NCAPD2: variants seen among roughly 807,000 people sequenced by gnomAD.
The protein encoded by NCAPD2 is non-SMC condensin I complex subunit D2, also known as condensin complex subunit 1.
Under a neutral mutation model 164.5 loss-of-function variants are expected in NCAPD2, and 100 were observed. That is an observed-to-expected ratio of 0.61 (90% CI 0.52 to 0.72). The LOEUF is 0.72. Among genes scored for constraint, NCAPD2 ranks in the 30% least tolerant of loss-of-function variants. The probability of loss-of-function intolerance (pLI) is 0.00; values close to 1 mark genes in which losing one functional copy is unlikely to be tolerated. For synonymous variants in NCAPD2, 585 were observed against 642.6 expected (o/e 0.91, Z 1.36); for missense variants, 1,560 against 1,749.2 (o/e 0.89, Z 1.93).
intron 13 of NCAPD2, among the ~76,000 whole-genome samples, chr12:6,518,511 T>TTTTTTTG (rs1946229696): frequency 3.0e-5 from 3 of 99,856 alleles, no homozygotes; most frequent in African/African-American, 1.4e-4. Context: ...CAAGTTTTTT[T>TTTTTTTG]TTTTTTTTTT....
chr12:6,505,189 C>T (rs148549435), intron 2 of NCAPD2, among the ~76,000 whole-genome samples: 143 of 152,288 alleles, frequency 9.4e-4, no homozygotes, highest in African/African-American at 3.2e-3. Context: ...GCCTAAGCCT[C>T]CCAAGTAGCT....
chr12:6,522,251 T>C (rs1332713276), intron 15 of NCAPD2, among the ~76,000 whole-genome samples: 1 of 152,016 alleles, frequency 6.6e-6, no homozygotes, highest in African/African-American at 2.4e-5. Context: ...TTGGAGTTCT[T>C]TTCCATATTT....
At position 6,531,714 on chromosome 12, in the gene NCAPD2, AGAATCGCCT is replaced by A; in HGVS notation, c.*306_*314del. On this transcript the variant is annotated 3_prime_UTR_variant, in exon 32 of 32. Coordinates refer to ENST00000315579, the MANE Select transcript of NCAPD2 (RefSeq NM_014865.4). The surrounding 1 kb of genome is among the most constrained non-coding windows in gnomAD (Gnocchi z 4.1). ...CAGCTACTCAAGAGGCTGAGGCAGG[AGAATCGCCT>A]GAACCCAGAGGCGGAGGTTGTAGTG... is the stretch of plus-strand genomic sequence containing the variant. 1 of 382,798 alleles carries A rather than the reference AGAATCGCCT, an allele frequency of 2.6e-6. No homozygotes were observed. Among genetic ancestry groups the A allele is most frequent in the Non-Finnish European group, 4.8e-6 (1 of 206,390 alleles). The allele number at this position is 382,798 out of a possible 1,614,324, so 23.7% of individuals were successfully genotyped here. A position where few individuals can be genotyped will look rare whatever the true frequency, so the allele number is the denominator to read the frequency against.
chr12:6,531,264 A>G lies in NCAPD2; in HGVS notation c.4121-63A>G, dbSNP rs1946370541. The G allele has an allele frequency of 1.3e-6, 2 of 1,543,058 alleles. No homozygotes were observed. The highest frequency in any genetic ancestry group is 1.8e-6 in the Non-Finnish European group (2 of 1,122,180). ...GTGGGATTGTCTCACTTGTTCTCTG[A>G]TATCTATTTTTTCACCATCTTTGTG... On this transcript the variant is annotated intron_variant, in intron 31 of 31. Transcript: ENST00000315579. This position sits in a 1 kb window ranked among gnomAD's most constrained non-coding sequence, Gnocchi z 4.1.
intron 2 of NCAPD2, among the ~76,000 whole-genome samples, chr12:6,506,191 CAA>C (rs1946097415): frequency 6.6e-6 from 1 of 152,136 alleles, no homozygotes; most frequent in Non-Finnish European, 1.5e-5. Context: ...CTCCTGACCT[CAA>C]GTGATCCTCC....
chr12:6,495,298 T>C (rs940841877), intron 2 of NCAPD2, 73 bp downstream of exon 2: 2 of 1,559,196 alleles, frequency 1.3e-6, no homozygotes, highest in African/African-American at 1.4e-5. Context: ...TACATTGTCA[T>C]TTCTGTTCCA....
chr12:6,498,469 A>G (rs1223002930), intron 2 of NCAPD2, among the ~76,000 whole-genome samples: 1 of 152,182 alleles, frequency 6.6e-6, no homozygotes, highest in Non-Finnish European at 1.5e-5. Context: ...CCCTTATCCC[A>G]GGAGATATAT....
At chr12:6,525,752 A>G in intron 18 of NCAPD2, 36 bp downstream of exon 18, 3 of 1,605,576 alleles carry the variant, frequency 1.9e-6, no homozygotes, top group Non-Finnish European at 2.6e-6. Flanking sequence ...GGGGTGGGAG[A>G]GCAAAGGAAG....
chr12:6,529,162 C>A, intron 27 of NCAPD2, 123 bp downstream of exon 27: 1 of 831,178 alleles, frequency 1.2e-6, no homozygotes. Context: ...AATAACTTAG[C>A]CTCTCTTTGT....
Position 6,526,922 on chromosome 12 carries a change from G to T in NCAPD2, c.2766G>T (p.Leu922=). 6.2e-7 allele frequency: 1 copy of T among 1,613,912 alleles called. No homozygotes were observed. Among genetic ancestry groups the T allele is most frequent in the Non-Finnish European group, 8.5e-7 (1 of 1,179,934 alleles). The change falls in exon 22 of 32, where the codon CTG becomes CTT. Residue 922 remains leucine, a synonymous_variant. Coordinates refer to ENST00000315579, the MANE Select transcript of NCAPD2 (RefSeq NM_014865.4). The part of the protein sequence containing the change: ...KESPAMLPTF[L]LMNLLSLAGD... ...CCCCCGCAATGCTCCCCACTTTCCT[G>T]TTGATGAACCTGCTGTCCCTGGCTG...
intron 21 of NCAPD2, 54 bp downstream of exon 21, chr12:6,526,669 G>A: frequency 1.3e-6 from 2 of 1,585,436 alleles, no homozygotes; most frequent in Non-Finnish European, 1.7e-6. Context: ...TCTCCCTGCA[G>A]GGCCAGGAGC....
chr12:6,496,149 C>T (rs1945982402), intron 2 of NCAPD2, among the ~76,000 whole-genome samples: 1 of 151,658 alleles, frequency 6.6e-6, no homozygotes, highest in African/African-American at 2.4e-5. Flanking sequence ...CCTCTGCCTC[C>T]CCAGGCTCAA....
rs759414047 is a variant in NCAPD2 at position 6,526,902 on chromosome 12, G to A, written c.2746G>A (p.Ala916Thr). 18 of 1,611,808 alleles carry A rather than the reference G, an allele frequency of 1.1e-5. No individual in the cohort carries two copies. The South Asian group carries it at 1.8e-4, about 16-fold the overall frequency. ...TCCCTCTCCTCCAGAGGAGTCCCCC[G>A]CAATGCTCCCCACTTTCCTGTTGAT... ...TSQEDPKESP[A>T]MLPTFLLMNL... The change falls in exon 22 of 32, where the codon GCA (alanine) becomes ACA (threonine). Residue 916 changes from alanine to threonine, a missense_variant. Transcript: ENST00000315579.
intron 9 of NCAPD2, 134 bp downstream of exon 9, chr12:6,515,054 G>A (rs1946185891): frequency 1.0e-6 from 1 of 976,320 alleles, no homozygotes. Context: ...TTTCCTTTCT[G>A]TAGAGAAGCA....
intron 9 of NCAPD2, 148 bp downstream of exon 9, chr12:6,515,068 C>A: frequency 1.2e-6 from 1 of 850,356 alleles, no homozygotes; most frequent in Non-Finnish European, 1.8e-6. Flanking sequence ...AGAAGCAGGT[C>A]AAGTTTGTTG....
chr12:6,495,314 C>CCAG, intron 2 of NCAPD2, 89 bp downstream of exon 2: 1 of 1,489,976 alleles, frequency 6.7e-7, no homozygotes, highest in Non-Finnish European at 9.2e-7. Context: ...TTCCACTACA[C>CCAG]CAGGAAGCAT....
At chr12:6,508,729 C>CA (rs1166722529) in intron 2 of NCAPD2, among the ~76,000 whole-genome samples, 4 of 152,128 alleles carry the variant, frequency 2.6e-5, no homozygotes, top group African/African-American at 9.7e-5. Flanking sequence ...ATACTGGTTG[C>CA]AAAGGGGAAA....
Position 6,511,024 on chromosome 12 carries a change from C to G in NCAPD2, c.445-86C>G, listed in dbSNP as rs899054015. On this transcript the variant is annotated intron_variant, in intron 5 of 31. Transcript: ENST00000315579. ...TATTACCTTCTATGTTGTCTTGGTA[C>G]TAGATTGTTTGGGCACTCAGACTGA... 3 of 1,448,088 alleles carry G rather than the reference C, an allele frequency of 2.1e-6. No homozygotes were observed. The African/African-American group carries it at 4.2e-5, about 20-fold the overall frequency. The allele number at this position is 1,448,088 out of a possible 1,614,324, so 89.7% of individuals were successfully genotyped here.
rs2240870 is a variant in NCAPD2, at chr12:6,510,857, G to C, written c.444+47G>C. 1,852 of 1,577,818 alleles carry C rather than the reference G, an allele frequency of 1.2e-3. 77 individuals are homozygous for C. In the East Asian group the frequency reaches 0.041, roughly 35 times the overall value. On this transcript the variant is annotated intron_variant, in intron 5 of 31. Coordinates refer to ENST00000315579, the MANE Select transcript of NCAPD2 (RefSeq NM_014865.4). ...ACGTTATATGGGGTCTGGGGAGATAGGGGAATAGATGGAAAAGAAGGGAAT... is the reference window on the plus strand; with the variant it reads ...ACGTTATATGGGGTCTGGGGAGATACGGGAATAGATGGAAAAGAAGGGAAT...
Sources: allele counts gnomAD v4.1 joint callset (sites outside exome capture counted in the v4.1 genomes callset), GRCh38; gene constraint gnomAD v4.1.1; non-coding constraint Gnocchi (gnomAD v3.1); transcripts MANE v1.5; gene names NCBI Gene and HGNC (gene_info 2026-07-23, HGNC 2026-07-21).